CACNA1A: variants seen among roughly 807,000 people sequenced by gnomAD.
CACNA1A encodes the protein voltage-dependent P/Q-type calcium channel subunit alpha-1A.
Under a neutral mutation model 262.4 loss-of-function variants are expected in CACNA1A, and 57 were observed. That is an observed-to-expected ratio of 0.22 (90% confidence interval 0.18 to 0.27). The LOEUF (loss-of-function observed/expected upper bound fraction) is 0.27. Ranked by LOEUF, CACNA1A falls within the 10% of genes least tolerant of loss-of-function variation. CACNA1A has a pLI of 1.00. For synonymous variants in CACNA1A, 1,431 were observed against 1,419.3 expected (o/e 1.01, Z -0.18); for missense variants, 2,526 against 3,562.8 (o/e 0.71, Z 7.41).
At chr19:13,293,820 A>G (rs2057599359) in intron 19 of CACNA1A, among the ~76,000 whole-genome samples, 1 of 123,008 alleles carries the variant, frequency 8.1e-6, no homozygotes, top group Non-Finnish European at 1.7e-5. Context: ...ATAGATGAGG[A>G]AATGGAGGCC....
chr19:13,293,583 A>G (rs1173155134), intron 19 of CACNA1A, among the ~76,000 whole-genome samples: 1 of 149,646 alleles, frequency 6.7e-6, no homozygotes, highest in East Asian at 2.0e-4. Flanking sequence ...AGTAGCTGGG[A>G]CTACAGGCGT....
intron 3 of CACNA1A, among the ~76,000 whole-genome samples, chr19:13,423,644 C>T (rs1197777986): frequency 6.6e-6 from 1 of 152,004 alleles, no homozygotes; most frequent in Non-Finnish European, 1.5e-5. Context: ...TCCCAAGTAG[C>T]TGGGATACAG....
In CACNA1A at chr19:13,299,022, G is replaced by C. The variant is rs780462531; in HGVS notation, c.2611C>G (p.Pro871Ala). 6.3e-7 allele frequency: 1 copy of C among 1,590,470 alleles called. No individual in the cohort carries two copies. Among genetic ancestry groups the C allele is most frequent in the South Asian group, 1.1e-5 (1 of 89,734 alleles). Residue 871 changes from proline (P) to alanine (A), a missense_variant, in exon 19 of 47, where the codon CCC becomes GCC. Transcript: ENST00000360228. ...GCGTCCAGGCCCGCCGAGCCGCTGGGGTCCCGGGCCCGATCGTGGTAGCGG... is the reference window on the plus strand; with the variant it reads ...GCGTCCAGGCCCGCCGAGCCGCTGGCGTCCCGGGCCCGATCGTGGTAGCGG... ...QARYHDRARD[P>A]SGSAGLDARR... is the part of the protein sequence containing the mutation.
intron 19 of CACNA1A, 40 bp downstream of exon 19, chr19:13,298,504 G>A: frequency 6.7e-7 from 1 of 1,486,564 alleles, no homozygotes; most frequent in Admixed American, 2.0e-5. Flanking sequence ...CATTATTAAT[G>A]TTACCGTCAT....
rs1479720025 is a variant in CACNA1A, at chr19:13,212,528, T to A, written c.6051-6A>T. The A allele has an allele frequency of 6.4e-7, 1 of 1,563,770 alleles. No homozygotes were observed. Among genetic ancestry groups the A allele is most frequent in the South Asian group, 1.2e-5 (1 of 85,710 alleles). On this transcript the variant is annotated splice_region_variant and splice_polypyrimidine_tract_variant and intron_variant, in intron 41 of 46. Coordinates refer to ENST00000360228, the MANE Select transcript of CACNA1A (RefSeq NM_001127222.2). This position sits in a 1 kb window ranked among gnomAD's most constrained non-coding sequence, Gnocchi z 5.6. ...GGCCGCTTTCGTGAGCCATCCTGCA[T>A]GGGGGACAGAGGCCGGGGTAGCAGT...
In CACNA1A at chr19:13,499,144, T is replaced by G. The variant is rs531928716; in HGVS notation, c.293+6788A>C. 1.2e-4 allele frequency among the ~76,000 whole-genome samples: 19 copies of G among 152,232 alleles called. No homozygotes were observed. The South Asian group carries it at 3.7e-3, about 30-fold the overall frequency. On this transcript the variant is annotated intron_variant, in intron 1 of 46. Transcript: ENST00000360228. Reference sequence around the variant, plus strand: ...CAGTGGACACCTGGGGTGGCCATCCTGGGCTGCACTCTCGACCGGCCCCAA... The same window carrying G: ...CAGTGGACACCTGGGGTGGCCATCCGGGGCTGCACTCTCGACCGGCCCCAA...
chr19:13,359,189 C>G (rs1414816775), intron 6 of CACNA1A, among the ~76,000 whole-genome samples: 1 of 152,208 alleles, frequency 6.6e-6, no homozygotes. Flanking sequence ...GCTCCAGGAA[C>G]TTCTCATCCC....
rs377410355 is a variant in CACNA1A at position 13,240,747 on chromosome 19, G to A, written c.4950+4435C>T. 6.4e-3 allele frequency among the ~76,000 whole-genome samples: 725 copies of A among 113,702 alleles called. 14 individuals are homozygous for A. The highest frequency in any genetic ancestry group is 0.022 in the African/African-American group (696 of 31,110). The allele number at this position is 113,702 out of a possible 152,430, so 74.6% of individuals were successfully genotyped here. ...AGTGACTGCAGTGACTGCGTGCAGC[G>A]TCTGTGTGCAGTGACTGTGTGCACA... On this transcript the variant is annotated intron_variant, in intron 31 of 46. Coordinates refer to ENST00000360228, the MANE Select transcript of CACNA1A (RefSeq NM_001127222.2).
In CACNA1A at chr19:13,207,292, C is replaced by T. The variant is rs1568415023; in HGVS notation, c.*21G>A. On this transcript the variant is annotated 3_prime_UTR_variant, in exon 47 of 47. Coordinates refer to ENST00000360228, the MANE Select transcript of CACNA1A (RefSeq NM_001127222.2). This position sits in a 1 kb window ranked among gnomAD's most constrained non-coding sequence, Gnocchi z 5.7. ...TGCGTGGGGTGCGTGGGGGGCCGGG[C>T]GGGCGCCACCTCGCCCGGGCTTAGC... 3.9e-6 allele frequency: 6 copies of T among 1,534,854 alleles called. No homozygotes were observed. The highest frequency in any genetic ancestry group is 1.4e-5 in the African/African-American group (1 of 71,276).
chr19:13,395,625 A>G (rs534885043), intron 3 of CACNA1A, among the ~76,000 whole-genome samples: 9 of 152,100 alleles, frequency 5.9e-5, no homozygotes, highest in African/African-American at 2.2e-4. Flanking sequence ...AAAAAGAAAA[A>G]AAAAAAAAAG....
chr19:13,464,572 C>A (rs1196968032), intron 1 of CACNA1A, among the ~76,000 whole-genome samples: 1 of 126,574 alleles, frequency 7.9e-6, no homozygotes, highest in Non-Finnish European at 1.6e-5. Context: ...TTTTAGAGAC[C>A]GAGTCTTGCT....
chr19:13,480,110 G>A (rs1431978007), intron 1 of CACNA1A, among the ~76,000 whole-genome samples: 3 of 152,178 alleles, frequency 2.0e-5, no homozygotes, highest in Non-Finnish European at 4.4e-5. Flanking sequence ...TTACGTATTT[G>A]TAGCATATAT....
chr19:13,267,544 C>T (rs1438965073), intron 24 of CACNA1A, among the ~76,000 whole-genome samples: 1 of 152,066 alleles, frequency 6.6e-6, no homozygotes, highest in African/African-American at 2.4e-5. Flanking sequence ...CTTCTCCAGG[C>T]GTTGTGGAGC....
chr19:13,316,368 T>A (rs2058126746), intron 11 of CACNA1A: 1 of 152,208 alleles, frequency 6.6e-6, no homozygotes, highest in Admixed American at 6.5e-5. Flanking sequence ...TCAATTTTGA[T>A]ACTATCTCAT....
chr19:13,337,203 C>T (rs2058592432), intron 6 of CACNA1A, among the ~76,000 whole-genome samples: 1 of 152,188 alleles, frequency 6.6e-6, no homozygotes, highest in African/African-American at 2.4e-5. Flanking sequence ...GTGGCTTAAA[C>T]AACAAAGATT....
At chr19:13,428,688 T>C (rs963453681) in intron 3 of CACNA1A, among the ~76,000 whole-genome samples, 1 of 152,166 alleles carries the variant, frequency 6.6e-6, no homozygotes, top group Non-Finnish European at 1.5e-5. Context: ...GCCAGAATTT[T>C]CGCCACGTCC....
intron 20 of CACNA1A, among the ~76,000 whole-genome samples, chr19:13,285,952 ATTTTTTTTTTTT>A (rs74181819): frequency 2.1e-5 from 2 of 95,808 alleles, no homozygotes; most frequent in African/African-American, 8.5e-5. Context: ...GCAGTTCACC[ATTTTTTTTTTTT>A]TTTTTTTTTT....
At chr19:13,339,994 C>A (rs1298344571) in intron 6 of CACNA1A, among the ~76,000 whole-genome samples, 1 of 152,182 alleles carries the variant, frequency 6.6e-6, no homozygotes, top group African/African-American at 2.4e-5. Context: ...GTGCTCCTCT[C>A]TCCATCACTT....
intron 3 of CACNA1A, among the ~76,000 whole-genome samples, chr19:13,440,339 G>A (rs1182044442): frequency 1.3e-5 from 2 of 152,168 alleles, no homozygotes; most frequent in Non-Finnish European, 2.9e-5. Context: ...CAACTTATTA[G>A]TGAGGGTGGG....
Sources: gnomAD v4.1 joint callset for allele counts (sites outside exome capture counted in the v4.1 genomes callset) on GRCh38, gnomAD v4.1.1 for gene constraint, Gnocchi (gnomAD v3.1) non-coding constraint, MANE v1.5 for transcripts, NCBI Gene and HGNC (gene_info 2026-07-23, HGNC 2026-07-21) for gene names.